Variants in HEATR5B observed in about 807,000 individuals in gnomAD.
HEATR5B encodes HEAT repeat containing 5B.
In HEATR5B, 156 loss-of-function variants were observed where a neutral mutation model predicts 224.1. The ratio of observed to expected loss-of-function variants is 0.70; its 90% CI spans 0.61 to 0.80. The LOEUF is 0.80. HEATR5B is among the 30% of genes least tolerant of loss of function. The pLI is 0.00. For missense variants in HEATR5B, 2,323 were observed against 2,535.5 expected (o/e 0.92, Z 1.80); for synonymous variants, 1,027 against 893.0 (o/e 1.15, Z -2.68).
Position 37,014,071 on chromosome 2 carries a change from T to C in HEATR5B, c.4105-51A>G, listed in dbSNP as rs117743582. 1.0e-3 allele frequency: 1,076 copies of C among 1,080,840 alleles called. 16 individuals are homozygous for C. In the East Asian group the frequency reaches 0.017, roughly 17 times the overall value. The allele number at this position is 1,080,840 out of a possible 1,614,324, so 67.0% of individuals were successfully genotyped here. A position where few individuals can be genotyped will look rare whatever the true frequency, so the allele number is the denominator to read the frequency against. On this transcript the variant is annotated intron_variant, in intron 26 of 35. Transcript: ENST00000233099. ...TTGTGTAAAAAAAATTAATGCTGTA[T>C]AAGAAAATGGAATAAATGACTTTTT...
chr2:37,075,778 G>A (rs1028022990), intron 4 of HEATR5B, 144 bp from the exon 5 acceptor site: 1 of 508,116 alleles, frequency 2.0e-6, no homozygotes, highest in Non-Finnish European at 3.4e-6. Flanking sequence ...ATAAAATTAA[G>A]TATTCTAGAA....
At chr2:36,985,458 GTTTTT>G (rs376871419) in intron 35 of HEATR5B, among the ~76,000 whole-genome samples, 1 of 126,718 alleles carries the variant, frequency 7.9e-6, no homozygotes, top group African/African-American at 3.0e-5. Flanking sequence ...CTTTTTTTTG[GTTTTT>G]TTTTTTTTTT....
At chr2:37,035,613 T>C (rs1458597814) in intron 21 of HEATR5B, among the ~76,000 whole-genome samples, 4 of 152,234 alleles carry the variant, frequency 2.6e-5, no homozygotes, top group South Asian at 2.1e-4. Flanking sequence ...ACTTAGCTTC[T>C]GTGAACAACA....
chr2:37,030,954 G>T (rs1291167770), intron 22 of HEATR5B, among the ~76,000 whole-genome samples: 1 of 152,168 alleles, frequency 6.6e-6, no homozygotes, highest in Non-Finnish European at 1.5e-5. Context: ...CTAAACTGTG[G>T]CTTCTGTTGA....
At chr2:37,076,767 A>G in intron 4 of HEATR5B, 144 bp downstream of exon 4, 1 of 607,810 alleles carries the variant, frequency 1.6e-6, no homozygotes. Context: ...ATACATTAAA[A>G]GAAGGGACAA....
chr2:37,010,011 C>T (rs1317763934), intron 27 of HEATR5B, among the ~76,000 whole-genome samples: 2 of 152,172 alleles, frequency 1.3e-5, no homozygotes, highest in Non-Finnish European at 2.9e-5. Context: ...TAGTCACATA[C>T]ATTACCTGTA....
At chr2:37,033,608 GA>G (rs1313581141) in intron 21 of HEATR5B, among the ~76,000 whole-genome samples, 1 of 152,042 alleles carries the variant, frequency 6.6e-6, no homozygotes, top group African/African-American at 2.4e-5. Context: ...TTTTTCATCT[GA>G]AAGGTCCCTG....
Position 37,028,918 on chromosome 2 carries a change from C to A in HEATR5B, c.3364G>T (p.Val1122Phe). ...CTAACCCCAGGGGCAAAAGGACTGACATCTGAAAGGTAATTTTTACAAATG... is the reference window on the plus strand; with the variant it reads ...CTAACCCCAGGGGCAAAAGGACTGAAATCTGAAAGGTAATTTTTACAAATG... Reference protein sequence around the residue: ...TGDKESSSANVSPFAPGVSSR... With the variant: ...TGDKESSSANFSPFAPGVSSR... The change falls in exon 23 of 36, where the codon GTC becomes TTC. Residue 1122 changes from valine (V) to phenylalanine (F), a missense_variant and splice_region_variant. Coordinates refer to ENST00000233099, the MANE Select transcript of HEATR5B (RefSeq NM_019024.3). The A allele has an allele frequency of 6.2e-7, 1 of 1,612,966 alleles. No homozygotes were observed. Among genetic ancestry groups the A allele is most frequent in the Non-Finnish European group, 8.5e-7 (1 of 1,179,288 alleles).
At chr2:37,082,068 T>TC (rs1672609373) in intron 2 of HEATR5B, among the ~76,000 whole-genome samples, 1 of 94,866 alleles carries the variant, frequency 1.1e-5, no homozygotes, top group African/African-American at 3.7e-5. Context: ...TTTTTTTTTT[T>TC]TTTTTTTTTT....
chr2:37,036,565 G>A (rs1669489684), intron 21 of HEATR5B, among the ~76,000 whole-genome samples: 1 of 151,324 alleles, frequency 6.6e-6, no homozygotes, highest in South Asian at 2.1e-4. Context: ...AGGTTGGAGT[G>A]CAATGGCGCA....
At chr2:37,040,589 T>TCA in intron 19 of HEATR5B, 71 bp from the exon 20 acceptor site, 7 of 1,127,010 alleles carry the variant, frequency 6.2e-6, no homozygotes, top group Non-Finnish European at 8.9e-6. Flanking sequence ...TATACTGAAT[T>TCA]GTTACATGGG....
chr2:37,056,388 G>A (rs1670914373), intron 16 of HEATR5B, 52 bp downstream of exon 16: 6 of 1,302,496 alleles, frequency 4.6e-6, no homozygotes, highest in South Asian at 3.5e-5. Context: ...TCTACTTTTC[G>A]TTTAACATAA....
rs3080796 is a variant in HEATR5B, at chr2:37,007,337, CTTTTTTTTT to C, written c.4523-42_4523-34del. 9.2e-5 allele frequency: 108 copies of C among 1,176,066 alleles called. No individual in the cohort carries two copies. In the African/African-American group the frequency reaches 1.1e-3, roughly 12 times the overall value. The allele number at this position is 1,176,066 out of a possible 1,614,324, so 72.9% of individuals were successfully genotyped here. On this transcript the variant is annotated intron_variant, in intron 28 of 35. Transcript: ENST00000233099. Reference sequence around the variant, plus strand: ...GCAATCAAATCAATTAAAAACATTACTTTTTTTTTTTTTTTTTTTTTTTTGAGACCAAGT... The same window carrying C: ...GCAATCAAATCAATTAAAAACATTACTTTTTTTTTTTTTTTGAGACCAAGT...
At position 37,056,539 on chromosome 2, in the gene HEATR5B, C is replaced by T. The variant is rs1670923447; in HGVS notation, c.2300G>A (p.Gly767Glu). 2 of 1,613,226 alleles carry T rather than the reference C, an allele frequency of 1.2e-6. No individual in the cohort carries two copies. Among genetic ancestry groups the T allele is most frequent in the Non-Finnish European group, 1.7e-6 (2 of 1,179,512 alleles). Residue 767 changes from glycine (G) to glutamate (E), a missense_variant, in exon 16 of 36, where the codon GGA becomes GAA. Physicochemically the swap from Gly to Glu is moderately conservative, Grantham distance 98. Transcript: ENST00000233099. ...PSSIYLRIPA[G>E]EAVPGPLPLG... is the part of the protein sequence containing the mutation. ...AGGGAGGGGACCAGGTACTGCTTCT[C>T]CAGCAGGTATGCGTAAATAAATAGA...
intron 22 of HEATR5B, among the ~76,000 whole-genome samples, chr2:37,031,349 C>G (rs995117067): frequency 6.6e-6 from 1 of 151,598 alleles, no homozygotes; most frequent in Admixed American, 6.6e-5. Context: ...TAAATACATA[C>G]GTTAGTAAAT....
intron 18 of HEATR5B, among the ~76,000 whole-genome samples, chr2:37,047,224 T>G (rs542375014): frequency 6.5e-4 from 99 of 151,938 alleles, no homozygotes; most frequent in African/African-American, 2.2e-3. Flanking sequence ...TGAAGTGAAG[T>G]AGGTCTATCT....
chr2:37,049,959 C>A, intron 17 of HEATR5B, 116 bp from the exon 18 acceptor site: 2 of 971,358 alleles, frequency 2.1e-6, no homozygotes, highest in Non-Finnish European at 2.9e-6. Context: ...GGCACAATCA[C>A]TGCTCACTAC....
At position 37,083,438 on chromosome 2, in the gene HEATR5B, T is replaced by A; in HGVS notation, c.-22-2A>T. On this transcript the variant is annotated splice_acceptor_variant, in intron 1 of 35. Coordinates refer to ENST00000233099, the MANE Select transcript of HEATR5B (RefSeq NM_019024.3). LOFTEE classifies it low-confidence loss of function (5UTR_SPLICE). ...ATTACGGAAGTTTGAAATTCACACC[T>A]TAAATTTAACAGAGTAAAAAATACT... 2 of 1,598,660 alleles carry A rather than the reference T, an allele frequency of 1.3e-6. No homozygotes were observed. The highest frequency in any genetic ancestry group is 1.7e-6 in the Non-Finnish European group (2 of 1,168,482).
At chr2:37,025,069 T>C (rs1668683045) in intron 24 of HEATR5B, among the ~76,000 whole-genome samples, 1 of 152,194 alleles carries the variant, frequency 6.6e-6, no homozygotes, top group African/African-American at 2.4e-5. Context: ...GAGATGAAGA[T>C]GATAGAGGAG....
Sources: allele counts gnomAD v4.1 joint callset (sites outside exome capture counted in the v4.1 genomes callset), GRCh38; gene constraint gnomAD v4.1.1; transcripts MANE v1.5; gene names NCBI Gene and HGNC (gene_info 2026-07-23, HGNC 2026-07-21).